The following FAM149B1 variants were observed in gnomAD, a reference collection of about 807,000 sequenced individuals.
FAM149B1 encodes family with sequence similarity 149 member B1.
FAM149B1 carries 56 observed loss-of-function variants against 75.3 expected under a neutral mutation model. That is an observed-to-expected ratio of 0.74 (90% CI 0.60 to 0.93). FAM149B1 has a LOEUF of 0.93. Ranked by LOEUF, FAM149B1 falls within the 40% of genes least tolerant of loss-of-function variation. The probability of loss-of-function intolerance (pLI) is 0.00; values close to 1 mark genes in which losing one functional copy is unlikely to be tolerated. For missense variants in FAM149B1, 639 were observed against 708.4 expected (o/e 0.90, Z 1.11); for synonymous variants, 259 against 256.1 (o/e 1.01, Z -0.11).
chr10:73,188,748 AGGAAGGAG>A (rs1564687110), intron 3 of FAM149B1, among the ~76,000 whole-genome samples: 3 of 128,342 alleles, frequency 2.3e-5, no homozygotes, highest in Non-Finnish European at 4.9e-5. Flanking sequence ...AAAAAAAGGA[AGGAAGGAG>A]GGAAGGAAGG....
At chr10:73,212,270 TA>T (rs1177074984) in intron 7 of FAM149B1, among the ~76,000 whole-genome samples, 1 of 152,100 alleles carries the variant, frequency 6.6e-6, no homozygotes, top group Admixed American at 6.6e-5. Context: ...GCGATAAACA[TA>T]TGAGTGTGAA....
At chr10:73,213,103 T>A (rs538246595) in intron 7 of FAM149B1, among the ~76,000 whole-genome samples, 43 of 152,212 alleles carry the variant, frequency 2.8e-4, no homozygotes, top group Non-Finnish European at 5.4e-4. Flanking sequence ...CGTCTTGGCC[T>A]CCCAAAGTGC....
At chr10:73,201,428 G>A (rs2133352531) in intron 5 of FAM149B1, among the ~76,000 whole-genome samples, 1 of 152,250 alleles carries the variant, frequency 6.6e-6, no homozygotes, top group African/African-American at 2.4e-5. Context: ...CCTCTTTAGA[G>A]TTAAACTGTT....
chr10:73,187,436 T>C (rs2042555793), intron 3 of FAM149B1, among the ~76,000 whole-genome samples: 1 of 143,458 alleles, frequency 7.0e-6, no homozygotes, highest in African/African-American at 2.6e-5. Flanking sequence ...AATAGAAAAT[T>C]AGAGGACATA....
chr10:73,239,866 ACT>A (rs1173110214), intron 13 of FAM149B1, among the ~76,000 whole-genome samples: 17 of 152,188 alleles, frequency 1.1e-4, no homozygotes, highest in Admixed American at 3.9e-4. Context: ...TATCGCATTA[ACT>A]CTTTTTATCT....
rs866250358 is a variant in FAM149B1 at position 73,220,479 on chromosome 10, T to C, written c.899-7581T>C. On this transcript the variant is annotated intron_variant, in intron 7 of 13. Coordinates refer to ENST00000242505, the MANE Select transcript of FAM149B1 (RefSeq NM_173348.2). Reference sequence around the variant, plus strand: ...ACAAAAACTTGAACATGAATGCTCATAGCAGCATTATTCATAATAGCTGGA... The same window carrying C: ...ACAAAAACTTGAACATGAATGCTCACAGCAGCATTATTCATAATAGCTGGA... Among the ~76,000 whole-genome samples the C allele has an allele frequency of 2.6e-5, 4 of 152,304 alleles. No homozygotes were observed. In the Middle Eastern group the frequency reaches 0.01, roughly 389 times the overall value.
At position 73,210,392 on chromosome 10, in the gene FAM149B1, C is replaced by T; in HGVS notation, c.852C>T (p.Ser284=). ...ACAGTGTATGGTGCAAGGTTGTGAGCTGTATGGAGCAGTTGACACGTAGTC... is the reference window on the plus strand; with the variant it reads ...ACAGTGTATGGTGCAAGGTTGTGAGTTGTATGGAGCAGTTGACACGTAGTC... ...VFDSVWCKVV[S]CMEQLTRSHW... Residue 284 remains serine (S), a synonymous_variant, in exon 7 of 14, where the codon AGC becomes AGT. Coordinates refer to ENST00000242505, the MANE Select transcript of FAM149B1 (RefSeq NM_173348.2). 6.4e-7 allele frequency: 1 copy of T among 1,550,442 alleles called. No individual in the cohort carries two copies. The highest frequency in any genetic ancestry group is 8.7e-7 in the Non-Finnish European group (1 of 1,146,514).
intron 9 of FAM149B1, among the ~76,000 whole-genome samples, chr10:73,231,757 A>AG (rs1178742826): frequency 1.3e-5 from 2 of 152,166 alleles, no homozygotes; most frequent in African/African-American, 4.8e-5. Context: ...GTTTACAGTG[A>AG]GGGGCCATCT....
Position 73,168,253 on chromosome 10 carries a change from G to A in FAM149B1, c.-87G>A. On this transcript the variant is annotated 5_prime_UTR_variant, in exon 1 of 14. Coordinates refer to ENST00000242505, the MANE Select transcript of FAM149B1 (RefSeq NM_173348.2). ...GGCGGGAGGGGCCGGGCCGGAGCCG[G>A]CGGGAGGGCCAGGCCCGGAGGCCCC... 2 of 1,448,560 alleles carry A rather than the reference G, an allele frequency of 1.4e-6. No homozygotes were observed. Among genetic ancestry groups the A allele is most frequent in the Non-Finnish European group, 1.9e-6 (2 of 1,071,072 alleles). 89.7% of individuals were successfully genotyped at this position (1,448,560 alleles called of 1,614,324 possible). A position where few individuals can be genotyped will look rare whatever the true frequency, so the allele number is the denominator to read the frequency against.
intron 5 of FAM149B1, among the ~76,000 whole-genome samples, chr10:73,207,272 C>T (rs1191049952): frequency 6.6e-6 from 1 of 152,090 alleles, no homozygotes; most frequent in Non-Finnish European, 1.5e-5. Flanking sequence ...TAGAAAGCTG[C>T]AGGCATTCAG....
At chr10:73,224,893 G>C (rs2043501010) in intron 7 of FAM149B1, among the ~76,000 whole-genome samples, 1 of 152,184 alleles carries the variant, frequency 6.6e-6, no homozygotes, top group Non-Finnish European at 1.5e-5. Flanking sequence ...AACTAATGCT[G>C]CTGAATTGTA....
At chr10:73,230,135 T>C (rs2133399273) in intron 8 of FAM149B1, among the ~76,000 whole-genome samples, 1 of 152,262 alleles carries the variant, frequency 6.6e-6, no homozygotes, top group East Asian at 1.9e-4. Context: ...TAAACAATAA[T>C]AATAAAGGTC....
chr10:73,207,857 G>T (rs1193595823), intron 5 of FAM149B1, among the ~76,000 whole-genome samples: 1 of 152,222 alleles, frequency 6.6e-6, no homozygotes, highest in Non-Finnish European at 1.5e-5. Context: ...ACTTGTTTTT[G>T]ATTTACAGGC....
chr10:73,233,205 T>A, intron 10 of FAM149B1, 42 bp downstream of exon 10: 1 of 1,296,206 alleles, frequency 7.7e-7, no homozygotes, highest in Non-Finnish European at 1.1e-6. Context: ...GTGGTAAAAC[T>A]AACACATTTT....
Position 73,233,116 on chromosome 10 carries a change from T to G in FAM149B1, c.1305T>G (p.Cys435Trp), listed in dbSNP as rs1273531087. The G allele has an allele frequency of 1.3e-6, 2 of 1,551,686 alleles. No homozygotes were observed. The highest frequency in any genetic ancestry group is 4.9e-5 in the East Asian group (2 of 40,934). Residue 435 changes from cysteine to tryptophan, a missense_variant, in exon 10 of 14, where the codon TGT becomes TGG. Coordinates refer to ENST00000242505, the MANE Select transcript of FAM149B1 (RefSeq NM_173348.2). ...TLHPISTSHS[C>W]AETPRSVEEI... ...ATCCGATCAGCACGAGCCATTCATG[T>G]GCTGAAACACCAAGATCTGTGGAAG...
chr10:73,236,413 C>CTTTTT (rs571460371), intron 12 of FAM149B1, among the ~76,000 whole-genome samples: 3 of 133,298 alleles, frequency 2.3e-5, no homozygotes, highest in East Asian at 2.1e-4. Flanking sequence ...CAATTTCTGC[C>CTTTTT]TTTTTTTTTT....
At position 73,177,833 on chromosome 10, in the gene FAM149B1, A is replaced by AT; in HGVS notation, c.153-11dup. On this transcript the variant is annotated splice_polypyrimidine_tract_variant and intron_variant, in intron 2 of 13. Coordinates refer to ENST00000242505, the MANE Select transcript of FAM149B1 (RefSeq NM_173348.2). Reference sequence around the variant, plus strand: ...TTTCTTTTTTCTCTCCTCCTCCCAAATTGTGCCTTTAGCAAGTCTGACATC... The same window carrying AT: ...TTTCTTTTTTCTCTCCTCCTCCCAAATTTGTGCCTTTAGCAAGTCTGACATC... 6.5e-7 allele frequency: 1 copy of AT among 1,539,640 alleles called. No individual in the cohort carries two copies. Among genetic ancestry groups the AT allele is most frequent in the South Asian group, 1.2e-5 (1 of 83,848 alleles).
At chr10:73,240,241 T>G (rs1029838985) in intron 13 of FAM149B1, among the ~76,000 whole-genome samples, 2 of 152,216 alleles carry the variant, frequency 1.3e-5, no homozygotes, top group African/African-American at 2.4e-5. Context: ...ATGTTTCCTG[T>G]TAATGATCAA....
rs1589193296 is a variant in FAM149B1, at chr10:73,233,017, G to A, written c.1206G>A (p.Val402=). The part of the protein sequence containing the change: ...LSTRNWPNRA[V]EFSTSSLSYT... ...CTCGAAATTGGCCAAATCGAGCTGT[G>A]GAGTTTAGTACATCATCTCTGTCAT... Residue 402 remains valine (V), a synonymous_variant, in exon 10 of 14, where the codon GTG becomes GTA. Transcript: ENST00000242505. 1.9e-6 allele frequency: 3 copies of A among 1,551,802 alleles called. No individual in the cohort carries two copies. The highest frequency in any genetic ancestry group is 2.7e-5 in the African/African-American group (2 of 73,118).
Sources: allele counts gnomAD v4.1 joint callset (sites outside exome capture counted in the v4.1 genomes callset), GRCh38; gene constraint gnomAD v4.1.1; transcripts MANE v1.5; gene names NCBI Gene and HGNC (gene_info 2026-07-23, HGNC 2026-07-21).